CYYR1: variants seen among roughly 807,000 people sequenced by gnomAD.
CYYR1 encodes the protein cysteine and tyrosine-rich protein 1.
Under a neutral mutation model 15.2 loss-of-function variants are expected in CYYR1, and 14 were observed. That is an observed-to-expected ratio of 0.92 (90% CI 0.61 to 1.44). The LOEUF (loss-of-function observed/expected upper bound fraction) is 1.44, where lower values mean the gene tolerates loss of function less well. CYYR1 is among the 40% of genes most tolerant of loss of function. The probability of loss-of-function intolerance (pLI) is 0.00; values close to 1 mark genes in which losing one functional copy is unlikely to be tolerated. For missense variants in CYYR1, 228 were observed against 209.5 expected (o/e 1.09, Z -0.54); for synonymous variants, 80 against 77.4 (o/e 1.03, Z -0.18).
chr21:26,511,321 C>T (rs554711685), intron 2 of CYYR1, among the ~76,000 whole-genome samples: 1 of 152,084 alleles, frequency 6.6e-6, no homozygotes, highest in Non-Finnish European at 1.5e-5. Flanking sequence ...GATGATAAAC[C>T]AGTTAGTACT....
At chr21:26,572,733 C>T in intron 1 of CYYR1, 135 bp downstream of exon 1, 1 of 1,099,494 alleles carries the variant, frequency 9.1e-7, no homozygotes, top group Non-Finnish European at 1.3e-6. Context: ...CGTCGCCTCG[C>T]GGAAAAGGCA....
chr21:26,476,744 T>C (rs910372744), intron 3 of CYYR1, among the ~76,000 whole-genome samples: 1 of 152,124 alleles, frequency 6.6e-6, no homozygotes, highest in Admixed American at 6.6e-5. Flanking sequence ...TTTGTTAGTA[T>C]TTGACTTTTA....
intron 1 of CYYR1, 89 bp from the exon 2 acceptor site, chr21:26,566,457 A>G (rs1283190435): frequency 1.9e-5 from 18 of 963,026 alleles, no homozygotes; most frequent in African/African-American, 1.1e-4. Context: ...TAATCAGCCA[A>G]TGACCACCCT....
chr21:26,565,438 C>T (rs753633179), intron 2 of CYYR1, among the ~76,000 whole-genome samples: 1 of 152,168 alleles, frequency 6.6e-6, no homozygotes, highest in African/African-American at 2.4e-5. Context: ...GACAGAGGCA[C>T]AACCGTTGCT....
At chr21:26,541,014 G>T (rs1978514023) in intron 2 of CYYR1, among the ~76,000 whole-genome samples, 1 of 152,188 alleles carries the variant, frequency 6.6e-6, no homozygotes. Flanking sequence ...GAAATTAATT[G>T]TATGGGCTTA....
In CYYR1 at chr21:26,523,622, C is replaced by T. The variant is rs970977285; in HGVS notation, c.176+42644G>A. Among the ~76,000 whole-genome samples, 9 of 152,304 alleles carry T rather than the reference C, an allele frequency of 5.9e-5. No homozygotes were observed. In the East Asian group the frequency reaches 1.7e-3, roughly 29 times the overall value. On this transcript the variant is annotated intron_variant, in intron 2 of 3. Transcript: ENST00000652641. Reference sequence around the variant, plus strand: ...ATGCTCCAGCCACTCCAGTGTTCTTCCTGTTATTGGACCACCTCAAATTCT... The same window carrying T: ...ATGCTCCAGCCACTCCAGTGTTCTTTCTGTTATTGGACCACCTCAAATTCT...
rs772215473 is a variant in CYYR1 at position 26,572,842 on chromosome 21, C to T, written c.73+26G>A. On this transcript the variant is annotated intron_variant, in intron 1 of 3. Transcript: ENST00000652641. ...CCAAGGGCAGCCCCGAGCCTCTGAC[C>T]CTCTCCGCCGCCCTCCGTCACTGAC... is the stretch of plus-strand genomic sequence containing the variant. 4.3e-6 allele frequency: 7 copies of T among 1,612,408 alleles called. No homozygotes were observed. In the South Asian group the frequency reaches 7.7e-5, roughly 18 times the overall value.
intron 2 of CYYR1, among the ~76,000 whole-genome samples, chr21:26,481,068 T>G (rs946879151): frequency 1.3e-5 from 2 of 152,050 alleles, no homozygotes; most frequent in Non-Finnish European, 2.9e-5. Context: ...AAGTTTTAGC[T>G]CATGCAACAA....
intron 3 of CYYR1, among the ~76,000 whole-genome samples, chr21:26,478,652 G>A (rs2830249): frequency 0.38 from 57,900 of 151,864 alleles, 11,230 homozygotes; most frequent in African/African-American, 0.43. Flanking sequence ...CATCTACTTT[G>A]AAAGGTTCAC....
intron 3 of CYYR1, 86 bp downstream of exon 3, chr21:26,480,186 G>T: frequency 1.5e-6 from 2 of 1,331,040 alleles, no homozygotes; most frequent in South Asian, 1.6e-5. Flanking sequence ...TGGTTTCATT[G>T]ACCATCTAGA....
rs935499129 is a variant in CYYR1, at chr21:26,539,776, C to T, written c.176+26490G>A. On this transcript the variant is annotated intron_variant, in intron 2 of 3. Transcript: ENST00000652641. Reference sequence around the variant, plus strand: ...ATCTTCTTTTTGAGGTTTCTTCCCCCGCCCCCTAAGTTCCTTTACTGTCAT... The same window carrying T: ...ATCTTCTTTTTGAGGTTTCTTCCCCTGCCCCCTAAGTTCCTTTACTGTCAT... Among the ~76,000 whole-genome samples the T allele has an allele frequency of 9.2e-5, 14 of 152,114 alleles. No individual in the cohort carries two copies. The East Asian group carries it at 1.5e-3, about 17-fold the overall frequency.
At chr21:26,498,722 C>T (rs554482395) in intron 2 of CYYR1, among the ~76,000 whole-genome samples, 4 of 152,132 alleles carry the variant, frequency 2.6e-5, no homozygotes, top group Admixed American at 6.5e-5. Context: ...CTCACACTTC[C>T]GCATGACTGG....
chr21:26,532,455 A>C (rs2065944196), intron 2 of CYYR1, among the ~76,000 whole-genome samples: 2 of 152,184 alleles, frequency 1.3e-5, no homozygotes. Flanking sequence ...GCCATCCAGC[A>C]GAATGCTCTT....
intron 2 of CYYR1, among the ~76,000 whole-genome samples, chr21:26,509,120 T>C (rs1229772155): frequency 1.3e-5 from 2 of 152,174 alleles, no homozygotes; most frequent in African/African-American, 4.8e-5. Flanking sequence ...GTCCTTACAA[T>C]AGCCTACAAA....
Position 26,480,299 on chromosome 21 carries a change from G to C in CYYR1, c.307C>G (p.His103Asp). The change falls in exon 3 of 4, where the codon CAC becomes GAC. Residue 103 changes from histidine to aspartate, a missense_variant. His to Asp is a moderately conservative substitution (Grantham distance 81). Transcript: ENST00000652641. ...GGATAGGAGGAGACGGTGTTGATGT[G>C]AGTCGTCCTGAGGATGCCCACGCGG... ...ATRVGILRTT[H>D]INTVSSYPAG... The C allele has an allele frequency of 1.2e-6, 2 of 1,612,900 alleles. No individual in the cohort carries two copies. Among genetic ancestry groups the C allele is most frequent in the Non-Finnish European group, 1.7e-6 (2 of 1,179,448 alleles).
At chr21:26,544,253 G>A (rs185399524) in intron 2 of CYYR1, among the ~76,000 whole-genome samples, 3 of 152,262 alleles carry the variant, frequency 2.0e-5, no homozygotes, top group Admixed American at 1.3e-4. Flanking sequence ...CTTGAATTCT[G>A]TACGAATAAT....
chr21:26,506,848 C>T (rs964161942), intron 2 of CYYR1: 24 of 152,140 alleles, frequency 1.6e-4, no homozygotes, highest in African/African-American at 5.6e-4. Flanking sequence ...GGTAACTCTA[C>T]AAGCAAAGAA....
chr21:26,498,966 T>C (rs1430632809), intron 2 of CYYR1, among the ~76,000 whole-genome samples: 2 of 152,116 alleles, frequency 1.3e-5, no homozygotes, highest in African/African-American at 4.8e-5. Context: ...GGAACTACAA[T>C]TCAAGATGAG....
At chr21:26,502,249 T>C (rs566896042) in intron 2 of CYYR1, among the ~76,000 whole-genome samples, 158 of 149,970 alleles carry the variant, frequency 1.1e-3, no homozygotes, top group African/African-American at 3.8e-3. Flanking sequence ...TGCTCCCCAA[T>C]GCAAAAGGCA....
Sources: gnomAD v4.1 joint callset for allele counts (sites outside exome capture counted in the v4.1 genomes callset) on GRCh38, gnomAD v4.1.1 for gene constraint, MANE v1.5 for transcripts, NCBI Gene and HGNC (gene_info 2026-07-23, HGNC 2026-07-21) for gene names.